The following SLC30A10 variants were observed in gnomAD, a reference collection of about 807,000 sequenced individuals.
SLC30A10 encodes the protein calcium/manganese antiporter SLC30A10.
In SLC30A10, 8 loss-of-function variants were observed where a neutral mutation model predicts 21.7. The ratio of observed to expected loss-of-function variants is 0.37; its 90% CI spans 0.22 to 0.67. The LOEUF is 0.67. Among genes scored for constraint, SLC30A10 ranks in the 30% least tolerant of loss-of-function variants. The pLI is 0.58. For synonymous variants in SLC30A10, 272 were observed against 279.4 expected (o/e 0.97, Z 0.26); for missense variants, 521 against 642.5 (o/e 0.81, Z 2.04).
intron 1 of SLC30A10, among the ~76,000 whole-genome samples, chr1:219,958,161 G>A (rs548525929): frequency 8.3e-4 from 126 of 151,024 alleles, no homozygotes; most frequent in African/African-American, 2.9e-3. Context: ...ATATTTTATG[G>A]AGACATTAAC....
Position 219,941,629 on chromosome 1 carries a change from ATTCC to A in SLC30A10, n.81-14528_81-14525del, listed in dbSNP as rs564430936. Reference sequence around the variant, plus strand: ...CCTTCCTTCCTTCCTTCTTTCTTTCATTCCTTCCTTCCTTCCTTCTCTCCCTCCC... The same window carrying A: ...CCTTCCTTCCTTCCTTCTTTCTTTCATTCCTTCCTTCCTTCTCTCCCTCCC... On this transcript the variant is annotated intron_variant and non_coding_transcript_variant, in intron 1 of 8. Coordinates refer to the SLC30A10 transcript ENST00000484239. Among the ~76,000 whole-genome samples, 52 of 96,390 alleles carry A rather than the reference ATTCC, an allele frequency of 5.4e-4. No individual in the cohort carries two copies. In the East Asian group the frequency reaches 8.5e-3, roughly 16 times the overall value. 63.2% of individuals were successfully genotyped at this position (96,390 alleles called of 152,430 possible).
Position 219,911,723 on chromosome 1 carries a change from C to A in SLC30A10, c.*3726G>T, listed in dbSNP as rs1659419731. Among the ~76,000 whole-genome samples the A allele has an allele frequency of 2.0e-5, 3 of 152,022 alleles. No homozygotes were observed. The South Asian group carries it at 6.2e-4, about 32-fold the overall frequency. On this transcript the variant is annotated 3_prime_UTR_variant, in exon 4 of 4. Transcript: ENST00000366926. ...ATATGTTTTTAAAGAGCAAATTCTG[C>A]AGAATTAATTATTAAAAAGACTATG...
chr1:219,929,960 T>C (rs933938425), upstream of SLC30A10, among the ~76,000 whole-genome samples: 45 of 151,938 alleles, frequency 3.0e-4, no homozygotes, highest in South Asian at 2.1e-4. Context: ...GCTGTGGAGG[T>C]TTGAGAGGCC....
intron 1 of SLC30A10, 81 bp downstream of exon 1, chr1:219,927,720 G>T: frequency 8.0e-7 from 1 of 1,244,176 alleles, no homozygotes. Flanking sequence ...AAGAAAAAGA[G>T]GGCGTGGGGT....
At chr1:219,957,423 G>C (rs1476954828) in intron 1 of SLC30A10, among the ~76,000 whole-genome samples, 1 of 152,142 alleles carries the variant, frequency 6.6e-6, no homozygotes, top group African/African-American at 2.4e-5. Context: ...CCCAGCTACT[G>C]AGAGAAAACT....
chr1:219,926,091 T>A (rs531046139), intron 2 of SLC30A10, among the ~76,000 whole-genome samples: 17 of 152,270 alleles, frequency 1.1e-4, no homozygotes, highest in African/African-American at 3.9e-4. Context: ...TGCCTTTAAA[T>A]TTGTTTGATT....
chr1:219,939,615 A>T (rs974933176), intron 1 of SLC30A10, among the ~76,000 whole-genome samples: 5 of 152,090 alleles, frequency 3.3e-5, no homozygotes, highest in Non-Finnish European at 7.3e-5. Flanking sequence ...TTTTTAGTAG[A>T]GAGGGGGTTT....
chr1:219,943,139 T>G (rs955586428), intron 1 of SLC30A10, among the ~76,000 whole-genome samples: 1 of 151,858 alleles, frequency 6.6e-6, no homozygotes, highest in Admixed American at 6.6e-5. Flanking sequence ...GAATCAGACA[T>G]GCAAAAATTG....
intron 1 of SLC30A10, among the ~76,000 whole-genome samples, chr1:219,937,748 G>C (rs186726439): frequency 1.2e-4 from 19 of 152,316 alleles, no homozygotes; most frequent in African/African-American, 4.3e-4. Context: ...GGAGGCGGAG[G>C]TTGCAGCGAA....
chr1:219,912,468 A>T lies in SLC30A10; in HGVS notation c.*2981T>A, dbSNP rs1659435988. 6.6e-6 allele frequency among the ~76,000 whole-genome samples: 1 copy of T among 152,222 alleles called. No individual in the cohort carries two copies. The highest frequency in any genetic ancestry group is 6.5e-5 in the Admixed American group (1 of 15,278). ...AAACAGAAGTGCAGTAGGGCCGTGT[A>T]GAAGGCCAGGTGAGCACACAGGACA... is the stretch of plus-strand genomic sequence containing the variant. On this transcript the variant is annotated 3_prime_UTR_variant, in exon 4 of 4. Coordinates refer to ENST00000366926, the MANE Select transcript of SLC30A10 (RefSeq NM_018713.3).
chr1:219,953,831 C>A (rs534944545), intron 1 of SLC30A10, among the ~76,000 whole-genome samples: 78 of 151,524 alleles, frequency 5.1e-4, no homozygotes, highest in Non-Finnish European at 9.4e-4. Context: ...CTCAGCCTCC[C>A]GAGTAGCTGG....
intron 1 of SLC30A10, among the ~76,000 whole-genome samples, chr1:219,937,211 A>C (rs1240186747): frequency 6.6e-6 from 1 of 152,188 alleles, no homozygotes. Context: ...GCTGTGGAAA[A>C]ATCTGAGTAC....
chr1:219,926,254 A>C (rs1373505115), intron 2 of SLC30A10, among the ~76,000 whole-genome samples: 2 of 152,314 alleles, frequency 1.3e-5, no homozygotes, highest in Non-Finnish European at 1.5e-5. Context: ...TATTATTTCC[A>C]TCAAAGCCCC....
chr1:219,928,033 G>A lies in SLC30A10; in HGVS notation c.408C>T (p.Asp136=), dbSNP rs755810184. 1.9e-6 allele frequency: 3 copies of A among 1,583,166 alleles called. No individual in the cohort carries two copies. The Admixed American group carries it at 5.3e-5, about 28-fold the overall frequency. ...GGCAGCACGCGAACCAGGCGGCGCA[G>A]TCCTGGAAGATGAGCAGCCCCACCA... The part of the protein sequence containing the change: ...VNVVGLLIFQ[D]CAAWFACCLR... The change falls in exon 1 of 4, where the codon GAC becomes GAT. Residue 136 remains aspartate (D), a synonymous_variant. Transcript: ENST00000366926. This position sits in a 1 kb window ranked among gnomAD's most constrained non-coding sequence, Gnocchi z 6.3.
chr1:219,925,233 C>A lies in SLC30A10; in HGVS notation c.718+1795G>T, dbSNP rs116564332. The stretch of plus-strand genomic sequence containing the variant: ...CCTATTCTCTTTCTCAACTTTGTAA[C>A]ATAAGAATGAGGATAGTTGGCCGGG... On this transcript the variant is annotated intron_variant, in intron 2 of 3. Transcript: ENST00000366926. Among the ~76,000 whole-genome samples, 843 of 152,204 alleles carry A rather than the reference C, an allele frequency of 5.5e-3. 4 individuals carry two copies. Among genetic ancestry groups the A allele is most frequent in the Middle Eastern group, 0.02 (6 of 294 alleles).
Position 219,912,850 on chromosome 1 carries a change from A to T in SLC30A10, c.*2599T>A. Among the ~76,000 whole-genome samples, 1 of 61,426 alleles carries T rather than the reference A, an allele frequency of 1.6e-5. No individual in the cohort carries two copies. The highest frequency in any genetic ancestry group is 8.2e-4 in the East Asian group (1 of 1,218). The allele number at this position is 61,426 out of a possible 152,430, so 40.3% of individuals were successfully genotyped here. A position where few individuals can be genotyped will look rare whatever the true frequency, so the allele number is the denominator to read the frequency against. On this transcript the variant is annotated 3_prime_UTR_variant, in exon 4 of 4. Transcript: ENST00000366926. ...CTCCGTCTCAAAGAAACAAACAAAC[A>T]AACCAAAAAAAAATTATGTCAGTTC...
chr1:219,958,109 G>A (rs1218010235), intron 1 of SLC30A10, among the ~76,000 whole-genome samples: 2 of 152,038 alleles, frequency 1.3e-5, no homozygotes, highest in South Asian at 2.1e-4. Flanking sequence ...GTCTGATACT[G>A]TGCTCTTTGT....
rs1014696223 is a variant in SLC30A10 at position 219,946,254 on chromosome 1, G to T, written n.80+12314C>A. ...GCCAATGAGCAATATTGAACATTTGGGGGCCTCAGAGTTAATTTAACTAGT... is the reference window on the plus strand; with the variant it reads ...GCCAATGAGCAATATTGAACATTTGTGGGCCTCAGAGTTAATTTAACTAGT... On this transcript the variant is annotated intron_variant and non_coding_transcript_variant, in intron 1 of 8. Transcript: ENST00000484239. 2.6e-5 allele frequency among the ~76,000 whole-genome samples: 4 copies of T among 152,118 alleles called. No homozygotes were observed. In the South Asian group the frequency reaches 8.3e-4, roughly 32 times the overall value.
At chr1:219,950,662 C>T (rs1180241984) in intron 1 of SLC30A10, among the ~76,000 whole-genome samples, 1 of 151,110 alleles carries the variant, frequency 6.6e-6, no homozygotes, top group African/African-American at 2.4e-5. Flanking sequence ...AAATAAATAA[C>T]ACATAGGCTG....
Sources: allele counts gnomAD v4.1 joint callset (sites outside exome capture counted in the v4.1 genomes callset), GRCh38; gene constraint gnomAD v4.1.1; non-coding constraint Gnocchi (gnomAD v3.1); transcripts MANE v1.5; gene names NCBI Gene and HGNC (gene_info 2026-07-23, HGNC 2026-07-21).